Variants in TUBB6 observed in about 807,000 individuals in gnomAD.
TUBB6 encodes the protein tubulin beta-6 chain.
In TUBB6, 18 loss-of-function variants were observed where a neutral mutation model predicts 32.3. The ratio of observed to expected loss-of-function variants is 0.56; its 90% CI spans 0.39 to 0.83. The LOEUF (loss-of-function observed/expected upper bound fraction) is 0.83, where lower values mean the gene tolerates loss of function less well. Ranked by LOEUF, TUBB6 falls within the 40% of genes least tolerant of loss-of-function variation. TUBB6 has a pLI of 0.00. For synonymous variants in TUBB6, 280 were observed against 265.8 expected (o/e 1.05, Z -0.52); for missense variants, 480 against 632.0 (o/e 0.76, Z 2.58).
intron 3 of TUBB6, among the ~76,000 whole-genome samples, chr18:12,324,178 G>C (rs1907136096): frequency 6.6e-6 from 1 of 152,088 alleles, no homozygotes; most frequent in Non-Finnish European, 1.5e-5. Context: ...GACTATCCTG[G>C]CTAACACGGT....
rs113671305 is a variant in TUBB6, at chr18:12,310,820, C to T, written c.167-123C>T. 8,496 of 612,978 alleles carry T rather than the reference C, an allele frequency of 0.014. 555 individuals carry two copies. In the African/African-American group the frequency reaches 0.14, roughly 10 times the overall value. 38.0% of individuals were successfully genotyped at this position (612,978 alleles called of 1,614,324 possible). ...GTGATTCTAAGAAAGTTCCTGTACC[C>T]TTTCTGAAAAGACCCTGGTTGATCC... is the stretch of plus-strand genomic sequence containing the variant. On this transcript the variant is annotated intron_variant, in intron 2 of 3. Coordinates refer to ENST00000317702, the MANE Select transcript of TUBB6 (RefSeq NM_032525.3).
At chr18:12,316,100 C>T (rs769499602) in intron 3 of TUBB6, among the ~76,000 whole-genome samples, 5 of 152,162 alleles carry the variant, frequency 3.3e-5, no homozygotes, top group East Asian at 1.9e-4. Flanking sequence ...ATGGGTGCCC[C>T]GAGGAGGCCT....
chr18:12,329,434 C>T (rs1293357280), downstream of TUBB6: 3 of 987,650 alleles, frequency 3.0e-6, no homozygotes, highest in Non-Finnish European at 4.8e-6. Flanking sequence ...GACTCCTTTC[C>T]CCATCATTTC....
chr18:12,320,226 C>G (rs1050036395), intron 3 of TUBB6, among the ~76,000 whole-genome samples: 1 of 151,314 alleles, frequency 6.6e-6, no homozygotes, highest in African/African-American at 2.4e-5. Context: ...GACCCCATTT[C>G]TAAAATAATA....
rs1906338567 is a variant in TUBB6 at position 12,310,888 on chromosome 18, CAA to C, written c.167-54_167-53del. 3 of 1,294,842 alleles carry C rather than the reference CAA, an allele frequency of 2.3e-6. No homozygotes were observed. The South Asian group carries it at 3.9e-5, about 17-fold the overall frequency. The allele number at this position is 1,294,842 out of a possible 1,614,324, so 80.2% of individuals were successfully genotyped here. On this transcript the variant is annotated intron_variant, in intron 2 of 3. Transcript: ENST00000317702. ...CTGGTGGGACTTGAAACGGGGAAGTCAATTACTTTAGAAACCTGAAAGTAACT... is the reference window on the plus strand; with the variant it reads ...CTGGTGGGACTTGAAACGGGGAAGTCTTACTTTAGAAACCTGAAAGTAACT...
At chr18:12,323,736 A>G (rs1348211478) in intron 3 of TUBB6, among the ~76,000 whole-genome samples, 1 of 151,792 alleles carries the variant, frequency 6.6e-6, no homozygotes, top group Non-Finnish European at 1.5e-5. Flanking sequence ...TGAACCCGGG[A>G]GGCGGAGCTT....
At chr18:12,309,476 G>A (rs1906239367) in intron 2 of TUBB6, among the ~76,000 whole-genome samples, 1 of 143,136 alleles carries the variant, frequency 7.0e-6, no homozygotes, top group South Asian at 2.2e-4. Flanking sequence ...GCTCTCTTAA[G>A]TGACTTTTCT....
rs114416389 is a variant in TUBB6, at chr18:12,324,972, C to G, written c.278-95C>G. ...CCCCTCCCTTTGGCTAACAGCACAT[C>G]ATGGAATCACTTCACACCCTCCTTG... On this transcript the variant is annotated intron_variant, in intron 3 of 3. Transcript: ENST00000317702. 3,537 of 1,511,480 alleles carry G rather than the reference C, an allele frequency of 2.3e-3. 58 individuals carry two copies. The African/African-American group carries it at 0.043, about 18-fold the overall frequency. The allele number at this position is 1,511,480 out of a possible 1,614,324, so 93.6% of individuals were successfully genotyped here.
chr18:12,317,838 A>G (rs1296063937), intron 3 of TUBB6, among the ~76,000 whole-genome samples: 3 of 152,076 alleles, frequency 2.0e-5, no homozygotes, highest in Non-Finnish European at 4.4e-5. Flanking sequence ...TCAGTTCACA[A>G]CTCCCAAATA....
chr18:12,314,305 C>G (rs183140684), intron 3 of TUBB6, among the ~76,000 whole-genome samples: 1 of 152,028 alleles, frequency 6.6e-6, no homozygotes, highest in African/African-American at 2.4e-5. Flanking sequence ...CTATCTCCCC[C>G]ACTTGTTGTA....
rs1195214793 is a variant in TUBB6, at chr18:12,308,283, C to G, written c.-10C>G. 2 of 1,444,302 alleles carry G rather than the reference C, an allele frequency of 1.4e-6. No individual in the cohort carries two copies. The highest frequency in any genetic ancestry group is 3.0e-5 in the African/African-American group (2 of 67,632). 89.5% of individuals were successfully genotyped at this position (1,444,302 alleles called of 1,614,324 possible). On this transcript the variant is annotated 5_prime_UTR_variant, in exon 1 of 4. Transcript: ENST00000317702. ...GCAGAGCCAGTTCCTAGCGCAGAGC[C>G]GCGCCCGCCATGAGGGAGATCGTGC...
At chr18:12,308,487 C>T (rs1432990954) in intron 1 of TUBB6, 138 bp downstream of exon 1, 3 of 797,984 alleles carry the variant, frequency 3.8e-6, no homozygotes, top group Non-Finnish European at 3.6e-6. Flanking sequence ...CCGCGAGGGC[C>T]GCAGGGAGGG....
chr18:12,318,339 T>C (rs1445610658), intron 3 of TUBB6, among the ~76,000 whole-genome samples: 1 of 150,800 alleles, frequency 6.6e-6, no homozygotes, highest in East Asian at 1.9e-4. Flanking sequence ...GAGAAGGCAG[T>C]CAGCTAGGAT....
chr18:12,324,933 G>A (rs1314655744), intron 3 of TUBB6, 134 bp from the exon 4 acceptor site: 2 of 1,494,900 alleles, frequency 1.3e-6, no homozygotes, highest in African/African-American at 1.4e-5. Flanking sequence ...GTTGGTGGGT[G>A]CCTGTTTCCC....
At chr18:12,307,905 T>C (rs868598858), upstream of TUBB6, 5 of 152,196 alleles carry the variant, frequency 3.3e-5, no homozygotes, top group African/African-American at 1.2e-4. Context: ...GGCGCGGCGC[T>C]GGGACCCCGC....
chr18:12,329,254 G>C (rs79884272), downstream of TUBB6: 6 of 701,156 alleles, frequency 8.6e-6, no homozygotes, highest in Non-Finnish European at 7.8e-6. Flanking sequence ...CCTGCCACAC[G>C]GTCAGCCGAC....
intron 3 of TUBB6, among the ~76,000 whole-genome samples, chr18:12,311,323 C>T (rs1415081552): frequency 6.6e-6 from 1 of 152,052 alleles, no homozygotes; most frequent in African/African-American, 2.4e-5. Flanking sequence ...TCAAGCCAGG[C>T]GCGGTGGCTC....
At chr18:12,314,791 T>G (rs778050712) in intron 3 of TUBB6, among the ~76,000 whole-genome samples, 1 of 152,228 alleles carries the variant, frequency 6.6e-6, no homozygotes, top group Non-Finnish European at 1.5e-5. Context: ...ATTTTAGCTC[T>G]GGGTTTCTGG....
At chr18:12,324,802 G>A in intron 3 of TUBB6, 2 of 1,311,724 alleles carry the variant, frequency 1.5e-6, no homozygotes, top group African/African-American at 3.0e-5. Flanking sequence ...ATTCTACCAT[G>A]TGCAAGAATT....
Sources: gnomAD v4.1 joint callset for allele counts (sites outside exome capture counted in the v4.1 genomes callset) on GRCh38, gnomAD v4.1.1 for gene constraint, MANE v1.5 for transcripts, NCBI Gene and HGNC (gene_info 2026-07-23, HGNC 2026-07-21) for gene names.